FHIT: variants seen among roughly 807,000 people sequenced by gnomAD.
FHIT encodes fragile histidine triad diadenosine triphosphatase.
In FHIT, 19 loss-of-function variants were observed where a neutral mutation model predicts 17.9. That is an observed-to-expected ratio of 1.06 (90% CI 0.74 to 1.56). The LOEUF is 1.56. FHIT is among the 40% of genes most tolerant of loss of function. The pLI, the probability that FHIT is intolerant of heterozygous loss-of-function variation, is 0.00. For missense variants in FHIT, 248 were observed against 189.2 expected, an observed-to-expected ratio of 1.31 and a Z score of -1.82; for synonymous variants, 81 against 69.7, an observed-to-expected ratio of 1.16 and a Z score of -0.81.
At chr3:59,956,862 T>C (rs1707429170) in intron 7 of FHIT, among the ~76,000 whole-genome samples, 1 of 152,174 alleles carries the variant, frequency 6.6e-6, no homozygotes, top group South Asian at 2.1e-4. Flanking sequence ...CTATCATCCT[T>C]TAGTTCTCAT....
chr3:60,627,584 C>T (rs62249125), intron 4 of FHIT, among the ~76,000 whole-genome samples: 16,917 of 152,100 alleles, frequency 0.11, 1,182 homozygotes, highest in Non-Finnish European at 0.15. Flanking sequence ...AGTGCAGTGG[C>T]GGGATCTAGG....
intron 2 of FHIT, among the ~76,000 whole-genome samples, chr3:61,152,338 C>G (rs2037418049): frequency 6.6e-6 from 1 of 152,192 alleles, no homozygotes; most frequent in Non-Finnish European, 1.5e-5. Context: ...CCCCTGGAAG[C>G]ACACAGCTGA....
intron 5 of FHIT, among the ~76,000 whole-genome samples, chr3:60,438,182 C>A (rs1360443651): frequency 6.6e-6 from 1 of 152,084 alleles, no homozygotes; most frequent in African/African-American, 2.4e-5. Flanking sequence ...CAGTAGGGAA[C>A]TTCCCCTGGA....
intron 5 of FHIT, among the ~76,000 whole-genome samples, chr3:60,147,169 G>A (rs1171607908): frequency 6.6e-6 from 1 of 152,120 alleles, no homozygotes; most frequent in Non-Finnish European, 1.5e-5. Context: ...GGGTATTAAT[G>A]AATCCAACCA....
rs1295797169 is a variant in FHIT at position 61,011,499 on chromosome 3, A to G, written c.-111+30548T>C. 2.6e-5 allele frequency among the ~76,000 whole-genome samples: 4 copies of G among 151,988 alleles called. No individual in the cohort carries two copies. In the South Asian group the frequency reaches 6.2e-4, roughly 24 times the overall value. On this transcript the variant is annotated intron_variant, in intron 3 of 9. Coordinates refer to ENST00000492590, the MANE Select transcript of FHIT (RefSeq NM_002012.4). Reference sequence around the variant, plus strand: ...TTAACACTAATCATCAACACACTAAATGGCCCTAACTTAGGCTGTTACGTA... The same window carrying G: ...TTAACACTAATCATCAACACACTAAGTGGCCCTAACTTAGGCTGTTACGTA...
intron 7 of FHIT, among the ~76,000 whole-genome samples, chr3:59,993,616 G>T (rs994675300): frequency 2.0e-5 from 3 of 151,982 alleles, no homozygotes; most frequent in Admixed American, 6.6e-5. Context: ...ACAATTAAAT[G>T]TGGTTTAAAA....
chr3:60,665,499 T>G (rs1553692235), intron 4 of FHIT, among the ~76,000 whole-genome samples: 1 of 152,064 alleles, frequency 6.6e-6, no homozygotes, highest in African/African-American at 2.4e-5. Flanking sequence ...TCCAGGTGGA[T>G]CCATTCTTTT....
At chr3:60,780,612 C>A (rs1374475259) in intron 4 of FHIT, among the ~76,000 whole-genome samples, 3 of 152,168 alleles carry the variant, frequency 2.0e-5, no homozygotes, top group Non-Finnish European at 2.9e-5. Flanking sequence ...GACAATGGCC[C>A]TTTCTGCTGT....
chr3:60,022,928 G>T (rs557734090), intron 5 of FHIT, among the ~76,000 whole-genome samples: 9 of 152,234 alleles, frequency 5.9e-5, no homozygotes, highest in South Asian at 2.1e-4. Flanking sequence ...TATTGTTATT[G>T]TCCTAGAGAT....
chr3:60,983,258 G>A (rs1363614595), intron 3 of FHIT, among the ~76,000 whole-genome samples: 1 of 152,056 alleles, frequency 6.6e-6, no homozygotes, highest in East Asian at 1.9e-4. Context: ...TTATTGGAAT[G>A]TGCCATCCAG....
At chr3:60,826,826 T>C (rs1702142243) in intron 3 of FHIT, among the ~76,000 whole-genome samples, 2 of 152,298 alleles carry the variant, frequency 1.3e-5, no homozygotes, top group South Asian at 2.1e-4. Flanking sequence ...GGGTACACCA[T>C]GGACATCTTT....
At chr3:60,087,863 C>T (rs1484492232) in intron 5 of FHIT, among the ~76,000 whole-genome samples, 1 of 152,144 alleles carries the variant, frequency 6.6e-6, no homozygotes, top group Non-Finnish European at 1.5e-5. Context: ...CAAACTCTTC[C>T]GACTGCTGCC....
chr3:60,928,956 G>C (rs1553770860), intron 3 of FHIT, among the ~76,000 whole-genome samples: 1 of 152,108 alleles, frequency 6.6e-6, no homozygotes, highest in Non-Finnish European at 1.5e-5. Flanking sequence ...CATCGATGCA[G>C]AAATCCTCAA....
intron 1 of FHIT, among the ~76,000 whole-genome samples, chr3:61,248,762 T>C (rs2040544190): frequency 6.6e-6 from 1 of 152,068 alleles, no homozygotes; most frequent in Admixed American, 6.5e-5. Context: ...AAGACAAGGA[T>C]ACCAAATAGA....
intron 5 of FHIT, among the ~76,000 whole-genome samples, chr3:60,436,373 T>C (rs1208924593): frequency 6.6e-6 from 1 of 152,026 alleles, no homozygotes; most frequent in Non-Finnish European, 1.5e-5. Context: ...CTTTATCCAG[T>C]TTATCAATGA....
intron 8 of FHIT, among the ~76,000 whole-genome samples, chr3:59,829,217 T>C (rs1294275422): frequency 6.6e-6 from 1 of 152,216 alleles, no homozygotes; most frequent in Non-Finnish European, 1.5e-5. Context: ...ACACAATTAA[T>C]TTTTTCTAGT....
At chr3:59,972,496 G>C (rs1007663651) in intron 7 of FHIT, among the ~76,000 whole-genome samples, 4 of 152,052 alleles carry the variant, frequency 2.6e-5, no homozygotes, top group Non-Finnish European at 4.4e-5. Flanking sequence ...TTCTCACCAA[G>C]CCTCCAGCCT....
rs191849358 is a variant in FHIT at position 60,597,657 on chromosome 3, C to T, written c.-17-60678G>A. Among the ~76,000 whole-genome samples, 172 of 152,240 alleles carry T rather than the reference C, an allele frequency of 1.1e-3. 1 individual carries two copies. The highest frequency in any genetic ancestry group is 4.0e-3 in the African/African-American group (168 of 41,554). ...CCAAGGAAATGTCAGGGAATTAAGACCCTCAAGTGTGAACATGGGAGGGTA... is the reference window on the plus strand; with the variant it reads ...CCAAGGAAATGTCAGGGAATTAAGATCCTCAAGTGTGAACATGGGAGGGTA... On this transcript the variant is annotated intron_variant, in intron 4 of 9. Transcript: ENST00000492590.
intron 5 of FHIT, among the ~76,000 whole-genome samples, chr3:60,064,081 T>C (rs1702400903): frequency 6.6e-6 from 1 of 152,116 alleles, no homozygotes; most frequent in Admixed American, 6.5e-5. Flanking sequence ...TTCACAATGG[T>C]AATATTTGGA....
Sources: gnomAD v4.1 joint callset for allele counts (sites outside exome capture counted in the v4.1 genomes callset) on GRCh38, gnomAD v4.1.1 for gene constraint, MANE v1.5 for transcripts, NCBI Gene and HGNC (gene_info 2026-07-23, HGNC 2026-07-21) for gene names.